Variants in TSHZ1 observed in about 807,000 individuals in gnomAD.
The protein encoded by TSHZ1 is teashirt zinc finger homeobox 1.
In TSHZ1, 12 loss-of-function variants were observed where a neutral mutation model predicts 67.1. That is an observed-to-expected ratio of 0.18 (90% confidence interval 0.11 to 0.29). The LOEUF (loss-of-function observed/expected upper bound fraction) is 0.29, where lower values mean the gene tolerates loss of function less well. Ranked by LOEUF, TSHZ1 falls within the 10% of genes least tolerant of loss-of-function variation. The probability of loss-of-function intolerance (pLI) is 1.00; values close to 1 mark genes in which losing one functional copy is unlikely to be tolerated. For synonymous variants in TSHZ1, 632 were observed against 622.4 expected (o/e 1.02, Z -0.23); for missense variants, 1,305 against 1,413.9 (o/e 0.92, Z 1.23).
At chr18:75,270,024 A>G (rs1045199744) in intron 1 of TSHZ1, among the ~76,000 whole-genome samples, 4 of 152,354 alleles carry the variant, frequency 2.6e-5, no homozygotes, top group Non-Finnish European at 5.9e-5. Flanking sequence ...GTTGACTTTC[A>G]TGTAGACAAG....
chr18:75,214,976 G>A (rs2022747485), intron 1 of TSHZ1, among the ~76,000 whole-genome samples: 1 of 151,978 alleles, frequency 6.6e-6, no homozygotes, highest in African/African-American at 2.4e-5. Flanking sequence ...TCAATTTGCT[G>A]GTGCAGGTGA....
chr18:75,250,534 G>A (rs991866692), intron 1 of TSHZ1, among the ~76,000 whole-genome samples: 4 of 152,216 alleles, frequency 2.6e-5, no homozygotes, highest in Non-Finnish European at 5.9e-5. Flanking sequence ...AGGGTCCGGG[G>A]TGCCTGCAGC....
intron 1 of TSHZ1, 87 bp downstream of exon 1, chr18:75,212,003 G>A (rs1464202743): frequency 2.2e-4 from 233 of 1,042,670 alleles, no homozygotes; most frequent in Non-Finnish European, 2.7e-4. Flanking sequence ...GCGGGACGTG[G>A]GCCGCGGGCC....
At chr18:75,214,981 A>T (rs2022747592) in intron 1 of TSHZ1, among the ~76,000 whole-genome samples, 1 of 152,162 alleles carries the variant, frequency 6.6e-6, no homozygotes, top group South Asian at 2.1e-4. Flanking sequence ...TTGCTGGTGC[A>T]GGTGACAAAT....
intron 1 of TSHZ1, among the ~76,000 whole-genome samples, chr18:75,243,084 A>G (rs1408253770): frequency 3.9e-5 from 6 of 152,166 alleles, no homozygotes; most frequent in African/African-American, 2.4e-5. Flanking sequence ...AGATACCTGG[A>G]GCACAGCCTA....
Position 75,286,776 on chromosome 18 carries a change from C to G in TSHZ1, c.1369C>G (p.Leu457Val), listed in dbSNP as rs201275095. Residue 457 changes from leucine to valine, a missense_variant, in exon 2 of 2, where the codon CTG becomes GTG. Physicochemically the swap from Leu to Val is conservative, Grantham distance 32. This residue lies in a region of TSHZ1 where 909 missense variants were observed against 961.8 expected (regional missense o/e 0.95). Coordinates refer to ENST00000580243, the MANE Select transcript of TSHZ1 (RefSeq NM_001308210.2). This position sits in a 1 kb window ranked among gnomAD's most constrained non-coding sequence, Gnocchi z 5.1. ...SASKKGKQLV[L>V]DPVVEEKIQS... ...TTCTAAGAAGGGCAAGCAGTTGGTG[C>G]TGGACCCTGTGGTGGAAGAGAAGAT... 3 of 1,613,624 alleles carry G rather than the reference C, an allele frequency of 1.9e-6. No homozygotes were observed. The South Asian group carries it at 3.3e-5, about 18-fold the overall frequency.
chr18:75,278,928 G>A (rs565577908), intron 1 of TSHZ1, among the ~76,000 whole-genome samples: 14 of 152,216 alleles, frequency 9.2e-5, no homozygotes, highest in South Asian at 2.1e-4. Context: ...TTCATGGGGC[G>A]CCCTCCTGCC....
rs3067027 is a variant in TSHZ1, at chr18:75,251,493, G to GT, written c.41-33940dup. On this transcript the variant is annotated intron_variant, in intron 1 of 1. Transcript: ENST00000580243. ...ACATTTTCATTATTCTTTCTTTAGGGTTTTTTTTTTTTTTTGACATTGCTT... is the reference window on the plus strand; with the variant it reads ...ACATTTTCATTATTCTTTCTTTAGGGTTTTTTTTTTTTTTTTGACATTGCTT... Among the ~76,000 whole-genome samples, 655 of 139,386 alleles carry GT rather than the reference G, an allele frequency of 4.7e-3. 11 individuals carry two copies. The highest frequency in any genetic ancestry group is 0.013 in the African/African-American group (506 of 37,874). The allele number at this position is 139,386 out of a possible 152,430, so 91.4% of individuals were successfully genotyped here.
rs544361670 is a variant in TSHZ1, at chr18:75,269,233, G to A, written c.41-16215G>A. Among the ~76,000 whole-genome samples the A allele has an allele frequency of 3.9e-5, 6 of 152,328 alleles. No individual in the cohort carries two copies. The South Asian group carries it at 1.2e-3, about 32-fold the overall frequency. The stretch of plus-strand genomic sequence containing the variant: ...AGCCTCAGTGCATTTATCTGCATCA[G>A]TTTGCTTTGGATTACATGCAGCGTC... On this transcript the variant is annotated intron_variant, in intron 1 of 1. Transcript: ENST00000580243.
intron 1 of TSHZ1, among the ~76,000 whole-genome samples, chr18:75,223,667 C>G (rs1159175886): frequency 6.6e-6 from 1 of 151,916 alleles, no homozygotes; most frequent in Non-Finnish European, 1.5e-5. Context: ...CCCCGCCTCT[C>G]TTGCTAGGCA....
At chr18:75,221,421 T>G (rs1481587384) in intron 1 of TSHZ1, among the ~76,000 whole-genome samples, 1 of 152,238 alleles carries the variant, frequency 6.6e-6, no homozygotes, top group Non-Finnish European at 1.5e-5. Context: ...TTCAGAAACC[T>G]GTATTTATTA....
chr18:75,272,537 TC>T (rs780734525), intron 1 of TSHZ1, among the ~76,000 whole-genome samples: 6 of 152,238 alleles, frequency 3.9e-5, no homozygotes, highest in Admixed American at 6.5e-5. Flanking sequence ...AGAGTGGCCT[TC>T]TCTTTGCCTA....
chr18:75,265,808 T>TC (rs200186505), intron 1 of TSHZ1, among the ~76,000 whole-genome samples: 1 of 151,922 alleles, frequency 6.6e-6, no homozygotes, highest in Non-Finnish European at 1.5e-5. Context: ...ATTTACTATT[T>TC]CCCCCCCTTA....
chr18:75,257,801 G>T (rs558936669), intron 1 of TSHZ1, among the ~76,000 whole-genome samples: 2 of 152,158 alleles, frequency 1.3e-5, no homozygotes, highest in Non-Finnish European at 2.9e-5. Flanking sequence ...ACATGTTCCC[G>T]TGGTAACAGA....
At chr18:75,248,353 A>C (rs1238722720) in intron 1 of TSHZ1, among the ~76,000 whole-genome samples, 1 of 152,222 alleles carries the variant, frequency 6.6e-6, no homozygotes, top group South Asian at 2.1e-4. Flanking sequence ...GTGGAAGGTG[A>C]TCGAAGTGTA....
intron 1 of TSHZ1, among the ~76,000 whole-genome samples, chr18:75,216,956 G>A (rs551226815): frequency 6.6e-6 from 1 of 152,350 alleles, no homozygotes; most frequent in African/African-American, 2.4e-5. Context: ...AGGAGGGCCA[G>A]GGGAAAGGTT....
At chr18:75,251,654 G>A (rs1014741850) in intron 1 of TSHZ1, among the ~76,000 whole-genome samples, 1 of 152,134 alleles carries the variant, frequency 6.6e-6, no homozygotes, top group African/African-American at 2.4e-5. Context: ...ATCTTTGCCA[G>A]TTTAGTAACT....
intron 1 of TSHZ1, among the ~76,000 whole-genome samples, chr18:75,255,934 TAATG>T (rs1046914312): frequency 3.9e-5 from 6 of 152,254 alleles, no homozygotes; most frequent in African/African-American, 1.2e-4. Flanking sequence ...TTAAATTACT[TAATG>T]AAGGTGAATT....
intron 1 of TSHZ1, among the ~76,000 whole-genome samples, chr18:75,223,306 C>T (rs2022873900): frequency 1.3e-5 from 2 of 152,090 alleles, no homozygotes; most frequent in East Asian, 1.9e-4. Flanking sequence ...TTTATGTGCT[C>T]GTATAGGGAA....
Sources: gnomAD v4.1 joint callset for allele counts (sites outside exome capture counted in the v4.1 genomes callset) on GRCh38, gnomAD v4.1.1 for gene constraint, gnomAD v4.1.1 regional missense constraint, Gnocchi (gnomAD v3.1) non-coding constraint, MANE v1.5 for transcripts, NCBI Gene and HGNC (gene_info 2026-07-23, HGNC 2026-07-21) for gene names.